IFI27L1: variants seen among roughly 807,000 people sequenced by gnomAD.
IFI27L1 encodes interferon alpha inducible protein 27 like 1, also known as interferon alpha-inducible protein 27-like protein 1.
Under a neutral mutation model 9.2 loss-of-function variants are expected in IFI27L1, and 3 were observed. That is an observed-to-expected ratio of 0.32 (90% CI 0.15 to 0.84). The LOEUF is 0.84. Among genes scored for constraint, IFI27L1 ranks in the 40% least tolerant of loss-of-function variants. IFI27L1 has a pLI of 0.56. For missense variants in IFI27L1, 133 were observed against 134.2 expected (o/e 0.99, Z 0.05); for synonymous variants, 53 against 50.0 (o/e 1.06, Z -0.26).
rs754548251 is a variant in IFI27L1, at chr14:94,096,957, G to A, written c.20G>A (p.Trp7Ter). The A allele has an allele frequency of 3.1e-6, 5 of 1,613,434 alleles. No individual in the cohort carries two copies. In the African/African-American group the frequency reaches 5.3e-5, roughly 17 times the overall value. Residue 7 changes from tryptophan (W) to a stop codon, truncating the protein, a stop_gained, in exon 2 of 5, where the codon TGG becomes TAG. Transcript: ENST00000555523. LOFTEE classifies it high-confidence loss of function. MGKESG[W>*]DSGRAAVAAV... ...CCAACCATGGGAAAGGAGAGTGGAT[G>A]GGACTCAGGTGGGTACTGCACATGA...
intron 2 of IFI27L1, chr14:94,100,176 G>T (rs1371566747): frequency 1.7e-6 from 1 of 588,200 alleles, no homozygotes. Context: ...CAGGTCAGGA[G>T]TCGTGACAGA....
In IFI27L1 at chr14:94,102,320, G is replaced by T. The variant is rs58850423; in HGVS notation, c.224-157G>T. 3.2e-3 allele frequency among the ~76,000 whole-genome samples: 483 copies of T among 152,262 alleles called. 1 individual carries two copies. The highest frequency in any genetic ancestry group is 0.011 in the African/African-American group (466 of 41,546). On this transcript the variant is annotated intron_variant, in intron 4 of 4. Transcript: ENST00000555523. ...GTGGCCTGCAGCAGCCCCTCCCAGA[G>T]CAGAAATCCTAGGGTTTTAGGAAGC...
intron 1 of IFI27L1, among the ~76,000 whole-genome samples, chr14:94,082,351 A>G (rs1436569057): frequency 1.3e-5 from 2 of 152,178 alleles, no homozygotes; most frequent in Non-Finnish European, 2.9e-5. Context: ...CCAGAACATG[A>G]AAGTGTAAGA....
intron 1 of IFI27L1, among the ~76,000 whole-genome samples, chr14:94,083,408 G>A (rs1886176341): frequency 1.3e-5 from 2 of 152,166 alleles, no homozygotes; most frequent in South Asian, 4.1e-4. Context: ...GCAGTGGCAG[G>A]GTTTGAGAGG....
chr14:94,087,231 G>A (rs1453489049), intron 1 of IFI27L1, among the ~76,000 whole-genome samples: 1 of 152,166 alleles, frequency 6.6e-6, no homozygotes, highest in African/African-American at 2.4e-5. Flanking sequence ...GTCTGAGGTT[G>A]GGCAGGTAGT....
chr14:94,102,090 G>A, intron 4 of IFI27L1, 115 bp downstream of exon 4: 7 of 1,102,490 alleles, frequency 6.3e-6, no homozygotes, highest in Non-Finnish European at 9.5e-6. Context: ...TGGGCCCTTT[G>A]TCTTTCTGTC....
intron 3 of IFI27L1, chr14:94,101,379 G>T (rs986797386): frequency 1.3e-5 from 3 of 231,348 alleles, no homozygotes; most frequent in Non-Finnish European, 2.5e-5. Context: ...GAGCCCTAGA[G>T]GACCCCCGCG....
chr14:94,102,548 G>T lies in IFI27L1; in HGVS notation c.295G>T (p.Gly99Cys). Residue 99 changes from glycine to cysteine, a missense_variant, in exon 5 of 5, where the codon GGT becomes TGT. Transcript: ENST00000555523. ...FAGTALGAWL[G>C]SPPSS ...TGGGACAGCTCTTGGGGCCTGGCTG[G>T]GTTCACCCCCTTCCAGCTGAACACC... is the stretch of plus-strand genomic sequence containing the variant. The T allele has an allele frequency of 6.3e-7, 1 of 1,575,026 alleles. No homozygotes were observed.
At chr14:94,086,943 C>T (rs1170747283) in intron 1 of IFI27L1, among the ~76,000 whole-genome samples, 3 of 152,094 alleles carry the variant, frequency 2.0e-5, no homozygotes, top group Non-Finnish European at 4.4e-5. Context: ...AAATAACAAA[C>T]AGAGAGAAGC....
intron 1 of IFI27L1, among the ~76,000 whole-genome samples, chr14:94,083,454 A>G (rs547450984): frequency 8.5e-5 from 13 of 152,352 alleles, no homozygotes; most frequent in African/African-American, 3.1e-4. Flanking sequence ...CTGTGGATAA[A>G]ATGCTACCAA....
intron 3 of IFI27L1, chr14:94,101,466 C>T (rs761309914): frequency 3.4e-4 from 113 of 333,160 alleles, no homozygotes; most frequent in Non-Finnish European, 4.6e-4. Flanking sequence ...TTCTGTCAAC[C>T]TTTTGCATGG....
At chr14:94,096,527 C>T (rs936300205) in intron 1 of IFI27L1, among the ~76,000 whole-genome samples, 3 of 152,096 alleles carry the variant, frequency 2.0e-5, no homozygotes, top group Non-Finnish European at 4.4e-5. Flanking sequence ...AACCCTGTCT[C>T]TACTAAAAAT....
intron 1 of IFI27L1, chr14:94,088,378 C>A: frequency 1.4e-6 from 1 of 701,606 alleles, no homozygotes; most frequent in Non-Finnish European, 2.6e-6. Flanking sequence ...ATCCCAGTTT[C>A]GTGATCATGG....
chr14:94,083,226 T>G (rs563010539), intron 1 of IFI27L1, among the ~76,000 whole-genome samples: 3 of 152,234 alleles, frequency 2.0e-5, no homozygotes, highest in Non-Finnish European at 2.9e-5. Context: ...CCTGAAGATA[T>G]GACTGAATTG....
At chr14:94,084,392 C>T (rs1049778670) in intron 1 of IFI27L1, among the ~76,000 whole-genome samples, 1 of 152,140 alleles carries the variant, frequency 6.6e-6, no homozygotes, top group Non-Finnish European at 1.5e-5. Flanking sequence ...GTCCCAGCTA[C>T]TTAGGGGGCT....
At chr14:94,083,768 T>A (rs1267099044) in intron 1 of IFI27L1, among the ~76,000 whole-genome samples, 1 of 152,202 alleles carries the variant, frequency 6.6e-6, no homozygotes, top group Non-Finnish European at 1.5e-5. Context: ...GAGTAAATTG[T>A]TTTGATTTAA....
chr14:94,083,284 T>C (rs1176689501), intron 1 of IFI27L1, among the ~76,000 whole-genome samples: 1 of 152,254 alleles, frequency 6.6e-6, no homozygotes, highest in African/African-American at 2.4e-5. Context: ...CCTTCTAATG[T>C]ATGACCAAAG....
chr14:94,090,985 A>T (rs78611489), intron 1 of IFI27L1, among the ~76,000 whole-genome samples: 2,015 of 152,278 alleles, frequency 0.013, 52 homozygotes, highest in African/African-American at 0.045. Flanking sequence ...CAAAATAAAA[A>T]TTTTTTTGGC....
intron 1 of IFI27L1, among the ~76,000 whole-genome samples, chr14:94,087,469 C>G (rs1886318373): frequency 6.6e-6 from 1 of 152,224 alleles, no homozygotes; most frequent in South Asian, 2.1e-4. Flanking sequence ...CTCTGTCACG[C>G]AGGCTGGAGT....
Sources: gnomAD v4.1 joint callset for allele counts (sites outside exome capture counted in the v4.1 genomes callset) on GRCh38, gnomAD v4.1.1 for gene constraint, MANE v1.5 for transcripts, NCBI Gene and HGNC (gene_info 2026-07-23, HGNC 2026-07-21) for gene names.